The following GTF2I variants were observed in gnomAD, a reference collection of about 807,000 sequenced individuals.
The protein encoded by GTF2I is general transcription factor IIi, also known as general transcription factor II-I.
GTF2I carries 12 observed loss-of-function variants against 67.6 expected under a neutral mutation model. The observed-to-expected ratio is 0.18, with a 90% CI of 0.11 to 0.29. The LOEUF (loss-of-function observed/expected upper bound fraction) is 0.29, where lower values mean the gene tolerates loss of function less well. Ranked by LOEUF, GTF2I falls within the 10% of genes least tolerant of loss-of-function variation. The pLI is 1.00. For missense variants in GTF2I, 271 were observed against 580.1 expected (o/e 0.47, Z 5.47); for synonymous variants, 149 against 197.0 (o/e 0.76, Z 2.04).
chr7:74,715,087 T>G, intron 10 of GTF2I, 171 bp downstream of exon 10: 1 of 436,222 alleles, frequency 2.3e-6, no homozygotes, highest in Non-Finnish European at 4.0e-6. Context: ...CAAGCAACAA[T>G]TTTTCAAAAA....
chr7:74,721,442 G>A (rs1378246723), intron 12 of GTF2I, among the ~76,000 whole-genome samples: 2 of 152,116 alleles, frequency 1.3e-5, no homozygotes, highest in African/African-American at 4.8e-5. Flanking sequence ...TTTCTTTTCA[G>A]AAGACCAGTG....
At chr7:74,728,376 G>A (rs1369140319) in intron 12 of GTF2I, among the ~76,000 whole-genome samples, 1 of 150,908 alleles carries the variant, frequency 6.6e-6, no homozygotes, top group Non-Finnish European at 1.5e-5. Context: ...CTTAAATTTT[G>A]TATAAGCTTA....
intron 1 of GTF2I, 160 bp from the exon 2 acceptor site, chr7:74,688,964 G>A: frequency 1.8e-6 from 1 of 560,540 alleles, no homozygotes; most frequent in African/African-American, 1.9e-5. Flanking sequence ...TATCTTATGA[G>A]GGTTTGGGCA....
intron 1 of GTF2I, among the ~76,000 whole-genome samples, chr7:74,668,903 A>T (rs4717905): frequency 2.6e-5 from 4 of 151,742 alleles, no homozygotes; most frequent in African/African-American, 7.3e-5. Flanking sequence ...TTAAAAATAC[A>T]TTAATTTATT....
At chr7:74,709,833 C>T (rs985295831) in intron 8 of GTF2I, among the ~76,000 whole-genome samples, 24 of 151,136 alleles carry the variant, frequency 1.6e-4, no homozygotes, top group African/African-American at 4.6e-4. Flanking sequence ...CCACCACTCC[C>T]GGCTAATTTT....
chr7:74,718,257 C>T lies in GTF2I; in HGVS notation c.881-622C>T, dbSNP rs150614255. Among the ~76,000 whole-genome samples, 12 of 152,330 alleles carry T rather than the reference C, an allele frequency of 7.9e-5. No homozygotes were observed. In the East Asian group the frequency reaches 2.3e-3, roughly 29 times the overall value. On this transcript the variant is annotated intron_variant, in intron 11 of 34. Transcript: ENST00000573035. The stretch of plus-strand genomic sequence containing the variant: ...TTTGGCAAATCAATTAATCTCTCAA[C>T]CTTTGCACAATGAAAGAGAACTAAT...
chr7:74,667,202 G>A (rs587685489), intron 1 of GTF2I, among the ~76,000 whole-genome samples: 1 of 152,186 alleles, frequency 6.6e-6, no homozygotes, highest in East Asian at 1.9e-4. Flanking sequence ...AGTTAGCTGG[G>A]AGTGGTGACA....
chr7:74,724,459 G>A (rs1793503907), intron 12 of GTF2I, among the ~76,000 whole-genome samples: 1 of 152,158 alleles, frequency 6.6e-6, no homozygotes, highest in Non-Finnish European at 1.5e-5. Flanking sequence ...TCTGAAGCCT[G>A]TATTATCTTT....
Position 74,670,202 on chromosome 7 carries a change from A to G in GTF2I, c.-6+12134A>G, listed in dbSNP as rs186431137. ...GTGATGCACTTTATTAAGAATTGACATGCATTCTGATAACAACTTTGTAAG... is the reference window on the plus strand; with the variant it reads ...GTGATGCACTTTATTAAGAATTGACGTGCATTCTGATAACAACTTTGTAAG... On this transcript the variant is annotated intron_variant, in intron 1 of 34. Transcript: ENST00000573035. Among the ~76,000 whole-genome samples, 22 of 152,336 alleles carry G rather than the reference A, an allele frequency of 1.4e-4. No individual in the cohort carries two copies. The East Asian group carries it at 3.7e-3, about 25-fold the overall frequency.
chr7:74,666,953 C>T (rs1003239525), intron 1 of GTF2I, among the ~76,000 whole-genome samples: 1 of 152,026 alleles, frequency 6.6e-6, no homozygotes, highest in Non-Finnish European at 1.5e-5. Flanking sequence ...GCACTCCAGC[C>T]TGGGTGACAG....
At chr7:74,747,822 A>G (rs587640497) in intron 23 of GTF2I, among the ~76,000 whole-genome samples, 193 bp from the exon 24 acceptor site, 8 of 132,434 alleles carry the variant, frequency 6.0e-5, no homozygotes, top group Non-Finnish European at 8.1e-5. Flanking sequence ...AAGAAGAAGA[A>G]GAAGAGAAGA....
chr7:74,709,758 C>T (rs587694844), intron 8 of GTF2I, among the ~76,000 whole-genome samples: 1 of 151,962 alleles, frequency 6.6e-6, no homozygotes, highest in East Asian at 1.9e-4. Context: ...CTGCAACCTC[C>T]ACCTCTTGGG....
intron 3 of GTF2I, among the ~76,000 whole-genome samples, chr7:74,693,716 C>T (rs1334893595): frequency 2.0e-5 from 3 of 152,042 alleles, no homozygotes; most frequent in African/African-American, 7.2e-5. Flanking sequence ...TGTGGTGGCG[C>T]GTGCTTGTAG....
chr7:74,705,249 C>G, intron 7 of GTF2I, 31 bp downstream of exon 7: 1 of 1,307,616 alleles, frequency 7.6e-7, no homozygotes. Context: ...TGCTGTTTAA[C>G]TCCCACACCT....
chr7:74,668,161 A>G (rs897392361), intron 1 of GTF2I, among the ~76,000 whole-genome samples: 11 of 137,746 alleles, frequency 8.0e-5, no homozygotes, highest in African/African-American at 2.9e-4. Context: ...TGTATAGTTC[A>G]GTGGTGCAGA....
intron 1 of GTF2I, among the ~76,000 whole-genome samples, chr7:74,678,255 A>G (rs1786873914): frequency 6.7e-6 from 1 of 149,500 alleles, no homozygotes; most frequent in Non-Finnish European, 1.5e-5. Context: ...AGCCTGTTGA[A>G]TAATTACAGA....
intron 1 of GTF2I, among the ~76,000 whole-genome samples, chr7:74,686,894 TG>T (rs1292037220): frequency 9.9e-5 from 15 of 151,518 alleles, no homozygotes; most frequent in Non-Finnish European, 1.9e-4. Flanking sequence ...GTTTTGTTTT[TG>T]TTTTTTTTTT....
chr7:74,699,183 A>G (rs1789382134), intron 4 of GTF2I, 88 bp downstream of exon 4: 3 of 607,612 alleles, frequency 4.9e-6, no homozygotes, highest in Admixed American at 3.9e-5. Context: ...TTCGAAAATC[A>G]TATAACACAC....
At chr7:74,680,114 A>ATATATATATATATATATG (rs1339021361) in intron 1 of GTF2I, among the ~76,000 whole-genome samples, 1 of 121,474 alleles carries the variant, frequency 8.2e-6, no homozygotes, top group African/African-American at 3.3e-5. Context: ...ATATATATAT[A>ATATATATATATATATATG]TATGTATGTA....
Sources: allele counts gnomAD v4.1 joint callset (sites outside exome capture counted in the v4.1 genomes callset), GRCh38; gene constraint gnomAD v4.1.1; transcripts MANE v1.5; gene names NCBI Gene and HGNC (gene_info 2026-07-23, HGNC 2026-07-21).